RAVER2: variants seen among roughly 807,000 people sequenced by gnomAD.
RAVER2 encodes ribonucleoprotein, PTB binding 2, also known as ribonucleoprotein PTB-binding 2.
Under a neutral mutation model 78.1 loss-of-function variants are expected in RAVER2, and 46 were observed. The observed-to-expected ratio is 0.59, with a 90% CI of 0.46 to 0.75. The LOEUF (loss-of-function observed/expected upper bound fraction) is 0.75. Ranked by LOEUF, RAVER2 falls within the 30% of genes least tolerant of loss-of-function variation. RAVER2 has a pLI of 0.00. For missense variants in RAVER2, 793 were observed against 837.5 expected, an observed-to-expected ratio of 0.95 and a Z score of 0.66; for synonymous variants, 311 against 313.3, an observed-to-expected ratio of 0.99 and a Z score of 0.08.
exon 12 of RAVER2, chr1:64,831,021 T>C: frequency 1.0e-5 from 16 of 1,592,498 alleles, no homozygotes; most frequent in Non-Finnish European, 1.4e-5. Flanking sequence ...TAAGGTTCTC[T>C]GCAGTATCTC....
intron 1 of RAVER2, among the ~76,000 whole-genome samples, chr1:64,751,046 C>T (rs939221403): frequency 2.0e-5 from 3 of 152,282 alleles, no homozygotes; most frequent in Admixed American, 2.0e-4. Context: ...AAAACACATT[C>T]AAGAAGAGGA....
intron 5 of RAVER2, among the ~76,000 whole-genome samples, chr1:64,795,606 G>A (rs1653074357): frequency 6.6e-6 from 1 of 151,842 alleles, no homozygotes; most frequent in Admixed American, 6.6e-5. Context: ...TCAATGTCCT[G>A]TTGCTTGTTG....
intron 1 of RAVER2, among the ~76,000 whole-genome samples, chr1:64,759,421 G>A (rs1199803600): frequency 4.0e-5 from 6 of 150,800 alleles, no homozygotes; most frequent in East Asian, 2.0e-4. Flanking sequence ...GGGTTTCACC[G>A]TGTTAGCCAG....
chr1:64,820,118 A>G (rs1653850006), intron 11 of RAVER2, among the ~76,000 whole-genome samples: 1 of 152,210 alleles, frequency 6.6e-6, no homozygotes, highest in African/African-American at 2.4e-5. Context: ...CATGAAGTAC[A>G]TCAAAAGTAA....
At position 64,813,058 on chromosome 1, in the gene RAVER2, A is replaced by C. The variant is rs536478479; in HGVS notation, c.1792+209A>C. Among the ~76,000 whole-genome samples the C allele has an allele frequency of 1.4e-4, 22 of 152,336 alleles. No homozygotes were observed. The South Asian group carries it at 3.9e-3, about 27-fold the overall frequency. On this transcript the variant is annotated intron_variant, in intron 10 of 11. Transcript: ENST00000294428. ...AAGGAAAACATTACAACTCATAGAG[A>C]GTCATTTTTCTTAACCAGAAGTTTA...
At chr1:64,789,502 G>T in exon 5 of RAVER2, 1 of 1,604,990 alleles carries the variant, frequency 6.2e-7, no homozygotes, top group Non-Finnish European at 8.5e-7. Context: ...ATGTGGACGA[G>T]CTGTTAAACC....
At chr1:64,819,463 A>G (rs1194593306) in intron 11 of RAVER2, among the ~76,000 whole-genome samples, 1 of 152,202 alleles carries the variant, frequency 6.6e-6, no homozygotes, top group Non-Finnish European at 1.5e-5. Flanking sequence ...TTAAAAGCAC[A>G]ATGAACATAT....
chr1:64,784,140 T>G (rs1467209597), intron 4 of RAVER2, among the ~76,000 whole-genome samples: 1 of 152,186 alleles, frequency 6.6e-6, no homozygotes, highest in Non-Finnish European at 1.5e-5. Context: ...TCCAAGCACT[T>G]TGGGAGGCCA....
At chr1:64,781,541 A>C (rs762987362) in exon 4 of RAVER2, 3 of 1,613,830 alleles carry the variant, frequency 1.9e-6, no homozygotes, top group East Asian at 2.2e-5. Context: ...GGCGAAGTAC[A>C]TTAGCAGCAT....
At chr1:64,804,030 G>A (rs1436007562) in intron 6 of RAVER2, among the ~76,000 whole-genome samples, 2 of 151,992 alleles carry the variant, frequency 1.3e-5, no homozygotes, top group East Asian at 1.9e-4. Flanking sequence ...ACTGCAGATC[G>A]CTGTCCCACT....
At chr1:64,775,308 C>G (rs1258882064) in intron 2 of RAVER2, among the ~76,000 whole-genome samples, 1 of 152,192 alleles carries the variant, frequency 6.6e-6, no homozygotes, top group Admixed American at 6.5e-5. Flanking sequence ...TTATTTTGCT[C>G]ATTGCTTTCA....
chr1:64,778,288 T>TA (rs1484051736), intron 3 of RAVER2, among the ~76,000 whole-genome samples, 196 bp downstream of exon 3: 1 of 152,144 alleles, frequency 6.6e-6, no homozygotes, highest in Admixed American at 6.5e-5. Context: ...AGTATGTTGT[T>TA]ATGTAGTTAA....
chr1:64,759,250 T>TC, intron 1 of RAVER2, among the ~76,000 whole-genome samples: 1 of 152,114 alleles, frequency 6.6e-6, no homozygotes, highest in South Asian at 2.1e-4. Context: ...GACGGAGTCT[T>TC]GCTGTTTTGC....
intron 2 of RAVER2, among the ~76,000 whole-genome samples, chr1:64,776,760 C>A (rs1452564486): frequency 2.6e-5 from 4 of 152,112 alleles, no homozygotes; most frequent in East Asian, 1.9e-4. Context: ...CTTTTATATT[C>A]TTTTATTGCA....
Position 64,745,177 on chromosome 1 carries a change from C to T in RAVER2, c.5C>T (p.Ala2Val). The T allele has an allele frequency of 2.0e-6, 2 of 1,010,696 alleles. No individual in the cohort carries two copies. Among genetic ancestry groups the T allele is most frequent in the Non-Finnish European group, 2.4e-6 (2 of 847,950 alleles). 62.6% of individuals were successfully genotyped at this position (1,010,696 alleles called of 1,614,324 possible). Reference sequence around the variant, plus strand: ...AGCCGCTGGGCGCCCGGGAAGATGGCGGCGGCGGCGGGAGACGGCGGCGGC... The same window carrying T: ...AGCCGCTGGGCGCCCGGGAAGATGGTGGCGGCGGCGGGAGACGGCGGCGGC... The change falls in exon 1 of 12, where the codon GCG (alanine) becomes GTG (valine). Residue 2 changes from alanine to valine, a missense_variant. Physicochemically the swap from Ala to Val is moderately conservative, Grantham distance 64. Transcript: ENST00000294428. This position sits in a 1 kb window ranked among gnomAD's most constrained non-coding sequence, Gnocchi z 4.3.
At chr1:64,749,457 C>T (rs1404721683) in intron 1 of RAVER2, among the ~76,000 whole-genome samples, 2 of 151,848 alleles carry the variant, frequency 1.3e-5, no homozygotes, top group Admixed American at 6.6e-5. Context: ...GTGATCTGCC[C>T]GCCTCGGCCT....
chr1:64,814,691 A>T lies in RAVER2; in HGVS notation c.1793-13A>T, dbSNP rs749732775. ...TAACCTAAATAAAATAAACTTGTTGATTCTGCCTTTAGCCCCTGCAAGTAA... is the reference window on the plus strand; with the variant it reads ...TAACCTAAATAAAATAAACTTGTTGTTTCTGCCTTTAGCCCCTGCAAGTAA... On this transcript the variant is annotated splice_polypyrimidine_tract_variant and intron_variant, in intron 10 of 11. Coordinates refer to ENST00000294428, the Ensembl canonical transcript of RAVER2. 2.2e-6 allele frequency: 3 copies of T among 1,378,156 alleles called. No individual in the cohort carries two copies. The highest frequency in any genetic ancestry group is 9.5e-7 in the Non-Finnish European group (1 of 1,053,800). 85.4% of individuals were successfully genotyped at this position (1,378,156 alleles called of 1,614,324 possible).
chr1:64,747,528 CT>C (rs1651573938), intron 1 of RAVER2, among the ~76,000 whole-genome samples: 2 of 127,368 alleles, frequency 1.6e-5, no homozygotes, highest in South Asian at 4.8e-4. Context: ...TTTTTTTTTT[CT>C]GAGACAGAGT....
rs1387326194 is a variant in RAVER2, at chr1:64,778,093, G to T, written c.786+1G>T. ...TGTCCATAAACCTGTGTTTTGCCAG[G>T]TATGTATTTTTAAGAGATTATTGAA... On this transcript the variant is annotated splice_donor_variant, in intron 3 of 11. Transcript: ENST00000294428. LOFTEE classifies it high-confidence loss of function. The T allele has an allele frequency of 1.9e-6, 3 of 1,582,980 alleles. No individual in the cohort carries two copies. The highest frequency in any genetic ancestry group is 1.2e-5 in the South Asian group (1 of 86,588).
Sources: gnomAD v4.1 joint callset for allele counts (sites outside exome capture counted in the v4.1 genomes callset) on GRCh38, gnomAD v4.1.1 for gene constraint, Gnocchi (gnomAD v3.1) non-coding constraint, MANE v1.5 for transcripts, NCBI Gene and HGNC (gene_info 2026-07-23, HGNC 2026-07-21) for gene names.